The following CD58 variants were observed in gnomAD, a reference collection of about 807,000 sequenced individuals.
CD58 encodes lymphocyte function-associated antigen 3.
Under a neutral mutation model 27.6 loss-of-function variants are expected in CD58, and 14 were observed. The observed-to-expected ratio is 0.51, with a 90% CI of 0.34 to 0.79. The LOEUF is 0.79. Among genes scored for constraint, CD58 ranks in the 30% least tolerant of loss-of-function variants. The probability of loss-of-function intolerance (pLI) is 0.02; values close to 1 mark genes in which losing one functional copy is unlikely to be tolerated. For missense variants in CD58, 268 were observed against 301.7 expected (o/e 0.89, Z 0.83); for synonymous variants, 117 against 103.8 (o/e 1.13, Z -0.77).
rs1027631821 is a variant in CD58, at chr1:116,541,182, G to T, written c.364+3129C>A. 1.3e-5 allele frequency among the ~76,000 whole-genome samples: 2 copies of T among 152,272 alleles called. No individual in the cohort carries two copies. Among genetic ancestry groups the T allele is most frequent in the East Asian group, 3.9e-4 (2 of 5,188 alleles). ...AAATTTATTCAAATGTTTTGAATTA[G>T]TTTTACAAACTCTATAAAAAGGGCT... On this transcript the variant is annotated intron_variant, in intron 2 of 5. Coordinates refer to ENST00000369489, the MANE Select transcript of CD58 (RefSeq NM_001779.3). This position sits in a 1 kb window ranked among gnomAD's most constrained non-coding sequence, Gnocchi z 5.3.
rs143433214 is a variant in CD58, at chr1:116,515,470, G to T, written c.744-648C>A. On this transcript the variant is annotated intron_variant, in intron 5 of 5. Coordinates refer to ENST00000369489, the MANE Select transcript of CD58 (RefSeq NM_001779.3). This position sits in a 1 kb window ranked among gnomAD's most constrained non-coding sequence, Gnocchi z 4.6. The stretch of plus-strand genomic sequence containing the variant: ...CTGTGGTCACAGGGGTGAGGTAAAG[G>T]ACAGCAAACTAGAAGTTTCCCTCCT... Among the ~76,000 whole-genome samples the T allele has an allele frequency of 6.6e-6, 1 of 152,214 alleles. No individual in the cohort carries two copies. The highest frequency in any genetic ancestry group is 2.4e-5 in the African/African-American group (1 of 41,452).
intron 1 of CD58, 118 bp from the exon 2 acceptor site, chr1:116,544,722 G>T: frequency 1.5e-6 from 1 of 677,280 alleles, no homozygotes; most frequent in Non-Finnish European, 2.5e-6. Flanking sequence ...CAGGAAGTAA[G>T]AACATGTTTG....
In CD58 at chr1:116,527,406, A is replaced by G. The variant is rs941344301; in HGVS notation, c.629-5423T>C. ...CATAAATTGATGTTGGATTTTGTCA[A>G]ATGCTTTTTCTGTATCTATTGGTAT... On this transcript the variant is annotated intron_variant, in intron 3 of 5. Coordinates refer to ENST00000369489, the MANE Select transcript of CD58 (RefSeq NM_001779.3). The surrounding 1 kb of genome is among the most constrained non-coding windows in gnomAD (Gnocchi z 4.4). 1.3e-5 allele frequency among the ~76,000 whole-genome samples: 2 copies of G among 152,174 alleles called. No homozygotes were observed. Among genetic ancestry groups the G allele is most frequent in the Admixed American group, 6.5e-5 (1 of 15,274 alleles).
In CD58 at chr1:116,516,007, C is replaced by T. The variant is rs1306147815; in HGVS notation, c.744-1185G>A. Among the ~76,000 whole-genome samples, 1 of 152,176 alleles carries T rather than the reference C, an allele frequency of 6.6e-6. No individual in the cohort carries two copies. The highest frequency in any genetic ancestry group is 1.5e-5 in the Non-Finnish European group (1 of 68,038). On this transcript the variant is annotated intron_variant, in intron 5 of 5. Transcript: ENST00000369489. This position sits in a 1 kb window ranked among gnomAD's most constrained non-coding sequence, Gnocchi z 6.1. ...CCCCTTTCTCATCTCCTCCCCCGAT[C>T]TCCTCCATCTCCACCATATACAGAA...
rs775539824 is a variant in CD58, at chr1:116,523,922, A to C, written c.629-1939T>G. 6.6e-6 allele frequency among the ~76,000 whole-genome samples: 1 copy of C among 152,138 alleles called. No individual in the cohort carries two copies. Among genetic ancestry groups the C allele is most frequent in the Non-Finnish European group, 1.5e-5 (1 of 68,024 alleles). The stretch of plus-strand genomic sequence containing the variant: ...TCTAGAGATGACCAGTGAGTTTTTA[A>C]ATTTGTTTTTAGTACATTATGAACG... On this transcript the variant is annotated intron_variant, in intron 3 of 5. Coordinates refer to ENST00000369489, the MANE Select transcript of CD58 (RefSeq NM_001779.3). The surrounding 1 kb of genome is among the most constrained non-coding windows in gnomAD (Gnocchi z 4.4).
At chr1:116,544,247 C>A in intron 2 of CD58, 64 bp downstream of exon 2, 1 of 1,142,414 alleles carries the variant, frequency 8.8e-7, no homozygotes, top group South Asian at 1.5e-5. Context: ...GTGCTAGTCT[C>A]TGAAAACAGA....
At chr1:116,530,105 T>C (rs1657550236) in intron 3 of CD58, among the ~76,000 whole-genome samples, 1 of 152,110 alleles carries the variant, frequency 6.6e-6, no homozygotes, top group African/African-American at 2.4e-5. Context: ...GATGGTATCA[T>C]ACAAAAACAC....
intron 4 of CD58, among the ~76,000 whole-genome samples, chr1:116,520,350 T>C (rs2101153964): frequency 6.6e-6 from 1 of 151,882 alleles, no homozygotes; most frequent in African/African-American, 2.4e-5. Flanking sequence ...TGGGCTCAAG[T>C]GATGCACACA....
At chr1:116,526,376 G>T (rs1423750313) in intron 3 of CD58, among the ~76,000 whole-genome samples, 1 of 152,176 alleles carries the variant, frequency 6.6e-6, no homozygotes. Context: ...AGGGCATAAG[G>T]TCTGTGTTTA....
At chr1:116,533,322 T>G (rs1336882953) in intron 3 of CD58, 2 of 1,393,632 alleles carry the variant, frequency 1.4e-6, no homozygotes, top group East Asian at 2.3e-5. Flanking sequence ...ATTCTTTCCT[T>G]TCTTCCAGTC....
chr1:116,553,782 T>TCA (rs1658468850), intron 1 of CD58, among the ~76,000 whole-genome samples: 1 of 152,172 alleles, frequency 6.6e-6, no homozygotes, highest in Admixed American at 6.5e-5. Flanking sequence ...ATTAGGACCA[T>TCA]CACCTTGGGA....
rs970721680 is a variant in CD58, at chr1:116,528,455, T to A, written c.629-6472A>T. ...CCACACAGCTATGAAAGAAAGATCATCTAGTTGAACTCAGAACAATGTTTG... is the reference window on the plus strand; with the variant it reads ...CCACACAGCTATGAAAGAAAGATCAACTAGTTGAACTCAGAACAATGTTTG... On this transcript the variant is annotated intron_variant, in intron 3 of 5. Transcript: ENST00000369489. The surrounding 1 kb of genome is among the most constrained non-coding windows in gnomAD (Gnocchi z 4.4). 1.3e-5 allele frequency among the ~76,000 whole-genome samples: 2 copies of A among 152,190 alleles called. No homozygotes were observed. Among genetic ancestry groups the A allele is most frequent in the African/African-American group, 4.8e-5 (2 of 41,452 alleles).
intron 1 of CD58, among the ~76,000 whole-genome samples, chr1:116,548,744 C>T (rs1034686052): frequency 1.9e-4 from 29 of 152,156 alleles, no homozygotes; most frequent in African/African-American, 7.0e-4. Flanking sequence ...TAATTTTGAA[C>T]TAGAAGAAAC....
chr1:116,537,013 T>C (rs977745593), intron 2 of CD58, among the ~76,000 whole-genome samples: 2 of 152,192 alleles, frequency 1.3e-5, no homozygotes, highest in Non-Finnish European at 2.9e-5. Flanking sequence ...CCCAGCACTT[T>C]GGGAGGCTGA....
rs1557838096 is a variant in CD58 at position 116,541,407 on chromosome 1, C to T, written c.364+2904G>A. 6.6e-6 allele frequency among the ~76,000 whole-genome samples: 1 copy of T among 152,192 alleles called. No individual in the cohort carries two copies. The highest frequency in any genetic ancestry group is 2.1e-4 in the South Asian group (1 of 4,824). Reference sequence around the variant, plus strand: ...TCAGACCTCACATAGCCTTGCAAGTCGCTTTACACATTTTAGCTTTAACAG... The same window carrying T: ...TCAGACCTCACATAGCCTTGCAAGTTGCTTTACACATTTTAGCTTTAACAG... On this transcript the variant is annotated intron_variant, in intron 2 of 5. Transcript: ENST00000369489. This position sits in a 1 kb window ranked among gnomAD's most constrained non-coding sequence, Gnocchi z 5.3.
Position 116,521,474 on chromosome 1 carries a change from C to T in CD58, c.706+432G>A, listed in dbSNP as rs1377025941. Among the ~76,000 whole-genome samples the T allele has an allele frequency of 6.6e-6, 1 of 152,192 alleles. No individual in the cohort carries two copies. The highest frequency in any genetic ancestry group is 1.5e-5 in the Non-Finnish European group (1 of 68,036). ...TCAGGAAGTAATACAAGCACAATTA[C>T]TTGTATTACGTAAGTCACTTAACTC... On this transcript the variant is annotated intron_variant, in intron 4 of 5. Coordinates refer to ENST00000369489, the MANE Select transcript of CD58 (RefSeq NM_001779.3). This position sits in a 1 kb window ranked among gnomAD's most constrained non-coding sequence, Gnocchi z 5.6.
At chr1:116,518,316 C>T (rs188799908) in intron 5 of CD58, among the ~76,000 whole-genome samples, 43 of 152,140 alleles carry the variant, frequency 2.8e-4, no homozygotes, top group Admixed American at 1.0e-3. Flanking sequence ...ATCACCTTGA[C>T]TCAGGCCCTC....
At position 116,519,358 on chromosome 1, in the gene CD58, T is replaced by C. The variant is rs1657193126; in HGVS notation, c.707-91A>G. 8.5e-7 allele frequency: 1 copy of C among 1,173,652 alleles called. No individual in the cohort carries two copies. Among genetic ancestry groups the C allele is most frequent in the Non-Finnish European group, 1.2e-6 (1 of 803,616 alleles). 72.7% of individuals were successfully genotyped at this position (1,173,652 alleles called of 1,614,324 possible). A position where few individuals can be genotyped will look rare whatever the true frequency, so the allele number is the denominator to read the frequency against. The stretch of plus-strand genomic sequence containing the variant: ...TGACTGCCTATTAGAGGCCTAAATA[T>C]GGAAAACTAAGCCAGAGCCCCATCA... On this transcript the variant is annotated intron_variant, in intron 4 of 5. Coordinates refer to ENST00000369489, the MANE Select transcript of CD58 (RefSeq NM_001779.3). The surrounding 1 kb of genome is among the most constrained non-coding windows in gnomAD (Gnocchi z 4.7).
At chr1:116,530,239 T>C (rs1219056317) in intron 3 of CD58, among the ~76,000 whole-genome samples, 2 of 149,688 alleles carry the variant, frequency 1.3e-5, no homozygotes, top group Non-Finnish European at 3.0e-5. Flanking sequence ...GGAATCTCAC[T>C]CTGTCACCCA....
Sources: allele counts gnomAD v4.1 joint callset (sites outside exome capture counted in the v4.1 genomes callset), GRCh38; gene constraint gnomAD v4.1.1; non-coding constraint Gnocchi (gnomAD v3.1); transcripts MANE v1.5; gene names NCBI Gene and HGNC (gene_info 2026-07-23, HGNC 2026-07-21).